Variants in MAN1A1 observed in about 807,000 individuals in gnomAD.
MAN1A1 encodes mannosyl-oligosaccharide 1,2-alpha-mannosidase IA.
MAN1A1 carries 29 observed loss-of-function variants against 70.8 expected under a neutral mutation model. That is an observed-to-expected ratio of 0.41 (90% CI 0.31 to 0.56). The LOEUF is 0.56. Among genes scored for constraint, MAN1A1 ranks in the 20% least tolerant of loss-of-function variants. The pLI is 0.29. For missense variants in MAN1A1, 747 were observed against 841.3 expected (o/e 0.89, Z 1.39); for synonymous variants, 349 against 330.1 (o/e 1.06, Z -0.62).
chr6:119,281,113 G>A (rs1417001736), intron 5 of MAN1A1, among the ~76,000 whole-genome samples: 1 of 152,204 alleles, frequency 6.6e-6, no homozygotes, highest in Non-Finnish European at 1.5e-5. Flanking sequence ...CAGGAGAGGG[G>A]AAACTTTGTA....
Position 119,349,613 on chromosome 6 carries a change from A to C in MAN1A1, c.-294T>G, listed in dbSNP as rs1385287480. The C allele has an allele frequency of 3.0e-6, 3 of 985,716 alleles. No individual in the cohort carries two copies. Among genetic ancestry groups the C allele is most frequent in the Non-Finnish European group, 3.6e-6 (3 of 830,004 alleles). The allele number at this position is 985,716 out of a possible 1,614,324, so 61.1% of individuals were successfully genotyped here. On this transcript the variant is annotated 5_prime_UTR_variant, in exon 1 of 13. Coordinates refer to ENST00000368468, the MANE Select transcript of MAN1A1 (RefSeq NM_005907.4). ...GCCCGCTCCCCATCTCCGCGCTGAG[A>C]CTGCTGCCTCTTTCCTAGGCTGGGC...
chr6:119,193,641 C>G (rs1773496335), intron 9 of MAN1A1, 136 bp downstream of exon 9: 3 of 548,154 alleles, frequency 5.5e-6, no homozygotes, highest in Non-Finnish European at 9.7e-6. Context: ...ATGATATTAG[C>G]AGATATCGAA....
intron 5 of MAN1A1, among the ~76,000 whole-genome samples, chr6:119,262,620 C>T (rs1038154122): frequency 9.9e-5 from 15 of 152,070 alleles, no homozygotes; most frequent in Non-Finnish European, 1.5e-4. Flanking sequence ...CCCAGCAATC[C>T]CAGTATTGGG....
At chr6:119,250,013 C>T (rs1775274773) in intron 5 of MAN1A1, among the ~76,000 whole-genome samples, 1 of 152,134 alleles carries the variant, frequency 6.6e-6, no homozygotes, top group Non-Finnish European at 1.5e-5. Flanking sequence ...ATTTTCTCCA[C>T]AAATTATTGT....
At chr6:119,191,376 C>T (rs2114934389) in intron 9 of MAN1A1, among the ~76,000 whole-genome samples, 1 of 152,228 alleles carries the variant, frequency 6.6e-6, no homozygotes, top group Non-Finnish European at 1.5e-5. Flanking sequence ...TAAAGTATTT[C>T]TGGCATGATT....
chr6:119,261,961 A>C (rs939597817), intron 5 of MAN1A1, among the ~76,000 whole-genome samples: 4 of 152,224 alleles, frequency 2.6e-5, no homozygotes, highest in Non-Finnish European at 5.9e-5. Flanking sequence ...CTAAGTGGAA[A>C]AAACATAGGC....
At chr6:119,262,251 G>A (rs1352438528) in intron 5 of MAN1A1, among the ~76,000 whole-genome samples, 1 of 152,152 alleles carries the variant, frequency 6.6e-6, no homozygotes, top group African/African-American at 2.4e-5. Flanking sequence ...GTGAGGTACT[G>A]TTACTCTGGC....
chr6:119,244,222 G>A (rs74324217), intron 6 of MAN1A1, among the ~76,000 whole-genome samples: 1,793 of 151,736 alleles, frequency 0.012, 19 homozygotes, highest in Non-Finnish European at 0.02. Context: ...CTTCAAGTTC[G>A]AGAAAAAAAA....
chr6:119,321,459 G>A (rs912575509), intron 2 of MAN1A1, among the ~76,000 whole-genome samples: 1 of 152,050 alleles, frequency 6.6e-6, no homozygotes, highest in African/African-American at 2.4e-5. Context: ...CCTTCTACAG[G>A]ATCCTCTGTC....
At chr6:119,242,158 G>A (rs1180689424) in intron 6 of MAN1A1, among the ~76,000 whole-genome samples, 1 of 64,610 alleles carries the variant, frequency 1.5e-5, no homozygotes, top group East Asian at 3.9e-4. Flanking sequence ...CATAGACTGG[G>A]TTTGTACCAC....
At chr6:119,281,569 C>A (rs1206424798) in intron 5 of MAN1A1, among the ~76,000 whole-genome samples, 3 of 152,148 alleles carry the variant, frequency 2.0e-5, no homozygotes, top group Non-Finnish European at 2.9e-5. Context: ...GCAGCTGCCC[C>A]AGCAGGTTGG....
chr6:119,210,228 G>A (rs1397699629), intron 6 of MAN1A1, among the ~76,000 whole-genome samples: 2 of 152,198 alleles, frequency 1.3e-5, no homozygotes, highest in African/African-American at 4.8e-5. Flanking sequence ...CACATTTCTC[G>A]TTCCCATCTA....
intron 2 of MAN1A1, among the ~76,000 whole-genome samples, chr6:119,326,416 T>C (rs1309026186): frequency 1.3e-5 from 2 of 152,226 alleles, no homozygotes; most frequent in Non-Finnish European, 2.9e-5. Context: ...CAGAACCAAG[T>C]ACAAACTTAC....
At position 119,300,446 on chromosome 6, in the gene MAN1A1, G is replaced by A. The variant is rs901630497; in HGVS notation, c.816+1542C>T. 5.3e-5 allele frequency among the ~76,000 whole-genome samples: 8 copies of A among 151,934 alleles called. No homozygotes were observed. The East Asian group carries it at 1.5e-3, about 29-fold the overall frequency. ...ATTTTTTGTATTTTTAGTAGAGACG[G>A]GGTTTCACCATGTTGGCCAGGCTGG... On this transcript the variant is annotated intron_variant, in intron 4 of 12. Coordinates refer to ENST00000368468, the MANE Select transcript of MAN1A1 (RefSeq NM_005907.4).
At chr6:119,341,067 A>G (rs994291554) in intron 2 of MAN1A1, among the ~76,000 whole-genome samples, 3 of 152,212 alleles carry the variant, frequency 2.0e-5, no homozygotes, top group Admixed American at 6.5e-5. Flanking sequence ...GCTCAGCTCT[A>G]AAGTACCTAA....
chr6:119,250,010 C>T lies in MAN1A1; in HGVS notation c.898-1656G>A, dbSNP rs550660377. Among the ~76,000 whole-genome samples, 19 of 152,214 alleles carry T rather than the reference C, an allele frequency of 1.2e-4. 1 individual carries two copies. The South Asian group carries it at 3.7e-3, about 30-fold the overall frequency. On this transcript the variant is annotated intron_variant, in intron 5 of 12. Coordinates refer to ENST00000368468, the MANE Select transcript of MAN1A1 (RefSeq NM_005907.4). ...CTAAAAAACAGAGGTGCCATTTTCT[C>T]CACAAATTATTGTAACTCTTGTCAA...
At chr6:119,238,960 G>A (rs1562205914) in intron 6 of MAN1A1, among the ~76,000 whole-genome samples, 1 of 151,730 alleles carries the variant, frequency 6.6e-6, no homozygotes, top group Non-Finnish European at 1.5e-5. Flanking sequence ...GCGGGATCTC[G>A]GCTCACTGCA....
At chr6:119,201,823 A>G (rs908178881) in intron 7 of MAN1A1, among the ~76,000 whole-genome samples, 14 of 152,172 alleles carry the variant, frequency 9.2e-5, no homozygotes, top group African/African-American at 3.4e-4. Context: ...ACACAGAAAA[A>G]TACACTATAA....
rs549633067 is a variant in MAN1A1 at position 119,192,839 on chromosome 6, TCTTTCTAACTTTATTTA to T, written c.1326+921_1326+937del. Among the ~76,000 whole-genome samples the T allele has an allele frequency of 5.6e-3, 846 of 152,304 alleles. 7 individuals are homozygous for T. Among genetic ancestry groups the T allele is most frequent in the African/African-American group, 0.019 (796 of 41,574 alleles). ...ACAAATATTTTAGATAAAGTAATTT[TCTTTCTAACTTTATTTA>T]CTTTCTAACTTTATTTTCGGTTTTG... is the stretch of plus-strand genomic sequence containing the variant. On this transcript the variant is annotated intron_variant, in intron 9 of 12. Transcript: ENST00000368468.
Sources: allele counts gnomAD v4.1 joint callset (sites outside exome capture counted in the v4.1 genomes callset), GRCh38; gene constraint gnomAD v4.1.1; transcripts MANE v1.5; gene names NCBI Gene and HGNC (gene_info 2026-07-23, HGNC 2026-07-21).